The following XKR4 variants were observed in gnomAD, a reference collection of about 807,000 sequenced individuals.
The protein encoded by XKR4 is XK related 4, also known as XK-related protein 4.
XKR4 carries 12 observed loss-of-function variants against 53.9 expected under a neutral mutation model. The observed-to-expected ratio is 0.22, with a 90% CI of 0.14 to 0.36. XKR4 has a LOEUF of 0.36. Among genes scored for constraint, XKR4 ranks in the 10% least tolerant of loss-of-function variants. The pLI, the probability that XKR4 is intolerant of heterozygous loss-of-function variation, is 1.00. For missense variants in XKR4, 799 were observed against 859.5 expected, an observed-to-expected ratio of 0.93 and a Z score of 0.88; for synonymous variants, 354 against 362.4, an observed-to-expected ratio of 0.98 and a Z score of 0.26.
chr8:55,309,232 A>G (rs956783492), intron 1 of XKR4, among the ~76,000 whole-genome samples: 3 of 152,226 alleles, frequency 2.0e-5, no homozygotes, highest in African/African-American at 2.4e-5. Flanking sequence ...CTACTTAGCA[A>G]TAGAAAAAGC....
chr8:55,122,349 T>G, intron 1 of XKR4, among the ~76,000 whole-genome samples: 1 of 152,370 alleles, frequency 6.6e-6, no homozygotes, highest in African/African-American at 2.4e-5. Context: ...CTTAAACCTT[T>G]TTGGTTTTAA....
intron 1 of XKR4, among the ~76,000 whole-genome samples, chr8:55,356,401 C>A (rs1298744644): frequency 6.6e-6 from 1 of 152,018 alleles, no homozygotes; most frequent in Non-Finnish European, 1.5e-5. Flanking sequence ...TCATTAAAAT[C>A]AAGACAAAGA....
At chr8:55,169,827 A>G (rs1585917406) in intron 1 of XKR4, among the ~76,000 whole-genome samples, 2 of 152,212 alleles carry the variant, frequency 1.3e-5, no homozygotes, top group Non-Finnish European at 2.9e-5. Flanking sequence ...GGATATTTGT[A>G]TAGATAAGAA....
At chr8:55,346,685 ATGTGTGTGTGTG>A (rs10685965) in intron 1 of XKR4, among the ~76,000 whole-genome samples, 93 of 138,472 alleles carry the variant, frequency 6.7e-4, no homozygotes, top group African/African-American at 2.4e-3. Context: ...TGTTGAGGTT[ATGTGTGTGTGTG>A]TGTGTGTGTG....
At chr8:55,207,768 G>A (rs560679742) in intron 1 of XKR4, among the ~76,000 whole-genome samples, 1 of 57,590 alleles carries the variant, frequency 1.7e-5, no homozygotes, top group African/African-American at 5.8e-5. Flanking sequence ...TACAGGGGGA[G>A]GGGGAGAGGG....
intron 2 of XKR4, among the ~76,000 whole-genome samples, chr8:55,388,494 C>CT (rs1804360964): frequency 5.8e-5 from 1 of 17,364 alleles, no homozygotes. Flanking sequence ...GATGAAAGCA[C>CT]AGCAGTTTCA....
At chr8:55,184,740 C>A (rs1350590713) in intron 1 of XKR4, among the ~76,000 whole-genome samples, 1 of 152,134 alleles carries the variant, frequency 6.6e-6, no homozygotes, top group Non-Finnish European at 1.5e-5. Flanking sequence ...ACCTTTACAA[C>A]CTCCAAAAAA....
At chr8:55,474,103 G>A (rs1287240307) in intron 2 of XKR4, among the ~76,000 whole-genome samples, 1 of 151,918 alleles carries the variant, frequency 6.6e-6, no homozygotes, top group Non-Finnish European at 1.5e-5. Flanking sequence ...TAGAGACGTG[G>A]TCTCGCTATG....
intron 2 of XKR4, among the ~76,000 whole-genome samples, chr8:55,456,805 T>C (rs754918818): frequency 4.6e-5 from 7 of 152,010 alleles, no homozygotes; most frequent in Non-Finnish European, 8.8e-5. Flanking sequence ...CCTACCAACA[T>C]ATGTGAAATA....
intron 2 of XKR4, among the ~76,000 whole-genome samples, chr8:55,438,936 A>C (rs946011713): frequency 6.6e-6 from 1 of 152,170 alleles, no homozygotes; most frequent in Non-Finnish European, 1.5e-5. Context: ...CAAGTAATGC[A>C]GGAGACCAAT....
intron 2 of XKR4, among the ~76,000 whole-genome samples, chr8:55,416,529 AG>A (rs1804847947): frequency 6.6e-6 from 1 of 152,228 alleles, no homozygotes; most frequent in Admixed American, 6.5e-5. Flanking sequence ...TTTTGCTGAT[AG>A]AAAGTCAGTC....
At chr8:55,274,103 CTGAAGCAAG>C (rs1389067695) in intron 1 of XKR4, among the ~76,000 whole-genome samples, 1 of 152,164 alleles carries the variant, frequency 6.6e-6, no homozygotes, top group Non-Finnish European at 1.5e-5. Context: ...AGTTCAGGAC[CTGAAGCAAG>C]ATAAAGATGA....
At chr8:55,146,526 A>C (rs1007031852) in intron 1 of XKR4, among the ~76,000 whole-genome samples, 1 of 152,248 alleles carries the variant, frequency 6.6e-6, no homozygotes, top group African/African-American at 2.4e-5. Context: ...CTATTTGCAC[A>C]CTTGAAATGT....
At chr8:55,388,950 C>T (rs1177750414) in intron 2 of XKR4, among the ~76,000 whole-genome samples, 1 of 151,998 alleles carries the variant, frequency 6.6e-6, no homozygotes, top group Non-Finnish European at 1.5e-5. Context: ...AGAATGGGAC[C>T]TTATTCACAA....
intron 1 of XKR4, among the ~76,000 whole-genome samples, chr8:55,348,858 A>G (rs1803689306): frequency 6.6e-6 from 1 of 152,214 alleles, no homozygotes; most frequent in South Asian, 2.1e-4. Flanking sequence ...ATAGAGAGAT[A>G]GAGATGGATA....
At chr8:55,445,845 T>C (rs1805338966) in intron 2 of XKR4, among the ~76,000 whole-genome samples, 2 of 152,214 alleles carry the variant, frequency 1.3e-5, no homozygotes, top group Non-Finnish European at 2.9e-5. Flanking sequence ...GGCATTGTTA[T>C]TCATGTACAC....
rs115222461 is a variant in XKR4 at position 55,125,802 on chromosome 8, A to T, written c.806+22508A>T. Reference sequence around the variant, plus strand: ...AAAAAATCAACATACAAAAAGATGAACAAGTTCATTTATGAGTAAATAAAT... The same window carrying T: ...AAAAAATCAACATACAAAAAGATGATCAAGTTCATTTATGAGTAAATAAAT... On this transcript the variant is annotated intron_variant, in intron 1 of 2. Coordinates refer to ENST00000327381, the MANE Select transcript of XKR4 (RefSeq NM_052898.2). Among the ~76,000 whole-genome samples the T allele has an allele frequency of 9.8e-3, 1,491 of 152,322 alleles. 20 individuals are homozygous for T. The highest frequency in any genetic ancestry group is 0.034 in the African/African-American group (1,417 of 41,572).
chr8:55,328,348 C>T (rs926097338), intron 1 of XKR4, among the ~76,000 whole-genome samples: 2 of 152,144 alleles, frequency 1.3e-5, no homozygotes, highest in African/African-American at 2.4e-5. Flanking sequence ...TTCAGGTAGT[C>T]CACCTTCACC....
chr8:55,166,284 C>T (rs1198976346), intron 1 of XKR4, among the ~76,000 whole-genome samples: 1 of 152,216 alleles, frequency 6.6e-6, no homozygotes, highest in Admixed American at 6.5e-5. Flanking sequence ...TGAGGGATAA[C>T]TGAACTCTGA....
Sources: allele counts gnomAD v4.1 joint callset (sites outside exome capture counted in the v4.1 genomes callset), GRCh38; gene constraint gnomAD v4.1.1; transcripts MANE v1.5; gene names NCBI Gene and HGNC (gene_info 2026-07-23, HGNC 2026-07-21).